PER3: variants seen among roughly 807,000 people sequenced by gnomAD.
The protein encoded by PER3 is period circadian regulator 3, also known as period circadian protein homolog 3.
A neutral mutation model predicts 127.2 loss-of-function variants in PER3; 107 were observed. The ratio of observed to expected loss-of-function variants is 0.84; its 90% CI spans 0.72 to 0.99. PER3 has a LOEUF of 0.99. Ranked by LOEUF, PER3 falls within the 50% of genes least tolerant of loss-of-function variation. PER3 has a pLI of 0.00. For synonymous variants in PER3, 618 were observed against 585.8 expected (o/e 1.05, Z -0.79); for missense variants, 1,560 against 1,525.8 (o/e 1.02, Z -0.37).
chr1:7,803,410 G>A (rs553296081), intron 9 of PER3, among the ~76,000 whole-genome samples: 1 of 134,178 alleles, frequency 7.5e-6, no homozygotes, highest in South Asian at 2.3e-4. Context: ...CCAACATGGT[G>A]TAACCCATCT....
At chr1:7,841,432 C>A (rs1042371534) in intron 21 of PER3, among the ~76,000 whole-genome samples, 1 of 152,086 alleles carries the variant, frequency 6.6e-6, no homozygotes, top group African/African-American at 2.4e-5. Context: ...CACTCTGACT[C>A]CCACAAGCTG....
chr1:7,827,293 C>T lies in PER3; in HGVS notation c.2364C>T (p.Thr788=). The stretch of plus-strand genomic sequence containing the variant: ...CCTCCGCGGCCTCCTCTCCGCACAC[C>T]TCGAGCCCGACCTTCCCACCTGCCG... ...CCPSAASSPH[T]SSPTFPPAAM... is the part of the protein sequence containing the mutation. Residue 788 remains threonine (T), a synonymous_variant, in exon 18 of 22, where the codon ACC becomes ACT. Coordinates refer to ENST00000377532, the MANE Select transcript of PER3 (RefSeq NM_001377275.1). 6.2e-7 allele frequency: 1 copy of T among 1,613,790 alleles called. No individual in the cohort carries two copies.
intron 16 of PER3, among the ~76,000 whole-genome samples, chr1:7,825,425 T>G (rs2097297011): frequency 6.6e-6 from 1 of 152,194 alleles, no homozygotes; most frequent in Non-Finnish European, 1.5e-5. Flanking sequence ...GCATATAAAA[T>G]GGAACTCCGC....
At position 7,826,243 on chromosome 1, in the gene PER3, G is replaced by A. The variant is rs755459487; in HGVS notation, c.1958-237G>A. 6.6e-6 allele frequency among the ~76,000 whole-genome samples: 1 copy of A among 152,136 alleles called. No homozygotes were observed. The highest frequency in any genetic ancestry group is 1.5e-5 in the Non-Finnish European group (1 of 68,016). ...AGAAAAATGTTTACAATAAAAGCAA[G>A]ATTTAAATAAATGTGTGCATATTGA... is the stretch of plus-strand genomic sequence containing the variant. On this transcript the variant is annotated intron_variant, in intron 16 of 21. Transcript: ENST00000377532. The surrounding 1 kb of genome is among the most constrained non-coding windows in gnomAD (Gnocchi z 4.2).
chr1:7,824,846 G>T (rs977534857), intron 16 of PER3, among the ~76,000 whole-genome samples: 4 of 152,128 alleles, frequency 2.6e-5, no homozygotes, highest in Non-Finnish European at 4.4e-5. Flanking sequence ...GCACTATTCC[G>T]CAGCTTGCGT....
chr1:7,841,804 T>C (rs2097390823), intron 21 of PER3, among the ~76,000 whole-genome samples: 1 of 152,206 alleles, frequency 6.6e-6, no homozygotes, highest in South Asian at 2.1e-4. Context: ...TCTTTGTTTT[T>C]TTCAGTGTTG....
intron 5 of PER3, chr1:7,788,538 T>C (rs2097102925): frequency 7.6e-6 from 2 of 263,170 alleles, no homozygotes; most frequent in Admixed American, 5.0e-5. Context: ...CTCTGTTTCC[T>C]TTAAGTTAAA....
At chr1:7,813,132 G>A (rs2097228398) in intron 13 of PER3, among the ~76,000 whole-genome samples, 1 of 152,144 alleles carries the variant, frequency 6.6e-6, no homozygotes, top group African/African-American at 2.4e-5. Flanking sequence ...GGAATAACAG[G>A]GATATGTAAA....
chr1:7,813,928 T>C (rs1263094797), intron 13 of PER3, among the ~76,000 whole-genome samples: 2 of 152,136 alleles, frequency 1.3e-5, no homozygotes, highest in Non-Finnish European at 2.9e-5. Context: ...GAATGATGTA[T>C]TAAAGGCTAG....
At chr1:7,791,179 C>A (rs1348560727) in intron 5 of PER3, among the ~76,000 whole-genome samples, 1 of 150,882 alleles carries the variant, frequency 6.6e-6, no homozygotes, top group Admixed American at 6.7e-5. Flanking sequence ...AGCAGAGGTT[C>A]TCTATGAGGG....
chr1:7,803,209 A>T (rs2097178168), intron 9 of PER3, 56 bp downstream of exon 9: 1 of 1,101,426 alleles, frequency 9.1e-7, no homozygotes. Context: ...ATTTGTTCTA[A>T]TTTTTCTTTT....
At chr1:7,808,031 A>C (rs1577763539) in intron 10 of PER3, among the ~76,000 whole-genome samples, 1 of 152,154 alleles carries the variant, frequency 6.6e-6, no homozygotes, top group South Asian at 2.1e-4. Context: ...TCAGGAGTTC[A>C]AGACCAGCCT....
intron 6 of PER3, among the ~76,000 whole-genome samples, chr1:7,795,599 T>C (rs963961725): frequency 6.6e-6 from 1 of 152,196 alleles, no homozygotes; most frequent in African/African-American, 2.4e-5. Flanking sequence ...GGGTGGGCCA[T>C]GCCTGGCCTG....
chr1:7,787,149 A>T (rs1419169136), intron 4 of PER3: 1 of 373,326 alleles, frequency 2.7e-6, no homozygotes. Flanking sequence ...AATTTCCTGC[A>T]CCTTATTCTA....
At chr1:7,807,996 G>A (rs2097202398) in intron 10 of PER3, among the ~76,000 whole-genome samples, 2 of 152,296 alleles carry the variant, frequency 1.3e-5, no homozygotes, top group Non-Finnish European at 1.5e-5. Context: ...ACTTTGGGAG[G>A]CCGAAGCGGG....
chr1:7,836,467 C>T (rs1292583409), intron 20 of PER3, among the ~76,000 whole-genome samples: 1 of 152,214 alleles, frequency 6.6e-6, no homozygotes, highest in East Asian at 1.9e-4. Flanking sequence ...GCGTGAGCCA[C>T]TGCACCCGGC....
chr1:7,817,678 G>A (rs2097257789), intron 13 of PER3, among the ~76,000 whole-genome samples: 1 of 152,074 alleles, frequency 6.6e-6, no homozygotes, highest in Non-Finnish European at 1.5e-5. Context: ...GTGGACTCAT[G>A]CCCCTTTTGT....
In PER3 at chr1:7,785,550, C is replaced by T; in HGVS notation, c.238C>T (p.Leu80Phe). The T allele has an allele frequency of 6.2e-7, 1 of 1,613,710 alleles. No individual in the cohort carries two copies. Among genetic ancestry groups the T allele is most frequent in the Non-Finnish European group, 8.5e-7 (1 of 1,179,736 alleles). The change falls in exon 3 of 22, where the codon CTC (leucine) becomes TTC (phenylalanine). Residue 80 changes from leucine (L) to phenylalanine (F), a missense_variant. This residue lies in a region of PER3 where 1,332 missense variants were observed against 1,223.6 expected (regional missense o/e 1.09). Transcript: ENST00000377532. The stretch of plus-strand genomic sequence containing the variant: ...CAATAAACCAAGCACTCTAGATGCC[C>T]TCAACTATGCTCTCCGCTGTGTCCA... ...RRNKPSTLDA[L>F]NYALRCVHSV...
At position 7,793,975 on chromosome 1, in the gene PER3, G is replaced by A. The variant is rs771350135; in HGVS notation, c.611G>A (p.Cys204Tyr). The change falls in exon 6 of 22, where the codon TGT becomes TAT. Residue 204 changes from cysteine to tyrosine, a missense_variant. Cys to Tyr is a radical substitution (Grantham distance 194, BLOSUM62 -2). Transcript: ENST00000377532. Reference sequence around the variant, plus strand: ...TTTCTAGCAGCTGCACGGTATGAATGTGCTCCGGTGAAACCTTTTTTCTGC... The same window carrying A: ...TTTCTAGCAGCTGCACGGTATGAATATGCTCCGGTGAAACCTTTTTTCTGC... ...WTQRAAARYE[C>Y]APVKPFFCRI... 3 of 1,613,930 alleles carry A rather than the reference G, an allele frequency of 1.9e-6. No homozygotes were observed. The Admixed American group carries it at 5.0e-5, about 27-fold the overall frequency.
Sources: allele counts gnomAD v4.1 joint callset (sites outside exome capture counted in the v4.1 genomes callset), GRCh38; gene constraint gnomAD v4.1.1; regional missense constraint gnomAD v4.1.1; non-coding constraint Gnocchi (gnomAD v3.1); transcripts MANE v1.5; gene names NCBI Gene and HGNC (gene_info 2026-07-23, HGNC 2026-07-21).